FIGN: variants seen among roughly 807,000 people sequenced by gnomAD.
FIGN encodes fidgetin.
A neutral mutation model predicts 51.3 loss-of-function variants in FIGN; 11 were observed. The observed-to-expected ratio is 0.21, with a 90% CI of 0.13 to 0.35. The LOEUF (loss-of-function observed/expected upper bound fraction) is 0.35, where lower values mean the gene tolerates loss of function less well. Among genes scored for constraint, FIGN ranks in the 10% least tolerant of loss-of-function variants. The pLI is 1.00. For synonymous variants in FIGN, 407 were observed against 363.2 expected (o/e 1.12, Z -1.37); for missense variants, 857 against 943.6 (o/e 0.91, Z 1.20).
rs116826717 is a variant in FIGN at position 163,686,438 on chromosome 2, A to C, written c.25+48465T>G. Among the ~76,000 whole-genome samples, 1,501 of 152,228 alleles carry C rather than the reference A, an allele frequency of 9.9e-3. 30 individuals are homozygous for C. The highest frequency in any genetic ancestry group is 0.035 in the African/African-American group (1,436 of 41,544). ...TGCTATTTAAAAACTCTTCAAGTAC[A>C]ATCTTCTAAAAGTGGTACTTTGATG... On this transcript the variant is annotated intron_variant, in intron 2 of 2. Transcript: ENST00000333129.
intron 2 of FIGN, among the ~76,000 whole-genome samples, chr2:163,653,935 A>T (rs1683518211): frequency 6.6e-6 from 1 of 152,128 alleles, no homozygotes; most frequent in African/African-American, 2.4e-5. Context: ...AGTGTCATCT[A>T]AGTAATCCCT....
rs1243240618 is a variant in FIGN at position 163,609,593 on chromosome 2, T to C, written c.2239A>G (p.Met747Val). Reference protein sequence around the residue: ...QPSISQKELDMYVEWNKMFGC... With the variant: ...QPSISQKELDVYVEWNKMFGC... The stretch of plus-strand genomic sequence containing the variant: ...AACATTTTGTTCCATTCAACATACA[T>C]ATCAAGCTCCTTTTGAGATATGCTA... The change falls in exon 3 of 3, where the codon ATG becomes GTG. Residue 747 changes from methionine to valine, a missense_variant. By Grantham distance (21) the Met-to-Val change is conservative. Around this residue, in one of 3 missense-constraint regions of FIGN, gnomAD observed 799 missense variants for 849.5 expected, o/e 0.94. Transcript: ENST00000333129. 6.2e-7 allele frequency: 1 copy of C among 1,614,024 alleles called. No individual in the cohort carries two copies. Among genetic ancestry groups the C allele is most frequent in the South Asian group, 1.1e-5 (1 of 91,062 alleles).
At chr2:163,733,213 T>G (rs923212068) in intron 2 of FIGN, among the ~76,000 whole-genome samples, 1 of 152,184 alleles carries the variant, frequency 6.6e-6, no homozygotes, top group South Asian at 2.1e-4. Flanking sequence ...TGACTATTAT[T>G]TAATAGTAAG....
chr2:163,618,489 C>G (rs1190923317), intron 2 of FIGN, among the ~76,000 whole-genome samples: 1 of 151,904 alleles, frequency 6.6e-6, no homozygotes, highest in Non-Finnish European at 1.5e-5. Flanking sequence ...GATACCTCAC[C>G]CTCTTACAGA....
chr2:163,679,491 G>C (rs1196379833), intron 2 of FIGN, among the ~76,000 whole-genome samples: 5 of 126,048 alleles, frequency 4.0e-5, no homozygotes, highest in Non-Finnish European at 8.1e-5. Flanking sequence ...GCGAGACTCC[G>C]TCTCAAAAAA....
At chr2:163,682,937 G>A in intron 2 of FIGN, among the ~76,000 whole-genome samples, 1 of 152,132 alleles carries the variant, frequency 6.6e-6, no homozygotes, top group East Asian at 1.9e-4. Context: ...GAAATGAGAG[G>A]ATTAGCCACC....
intron 2 of FIGN, among the ~76,000 whole-genome samples, chr2:163,726,392 T>C (rs1486007946): frequency 1.3e-5 from 2 of 152,064 alleles, no homozygotes; most frequent in Non-Finnish European, 2.9e-5. Flanking sequence ...GACTCCAGAT[T>C]TGCGAGTCAT....
At chr2:163,634,723 C>CAGTT (rs1427176053) in intron 2 of FIGN, among the ~76,000 whole-genome samples, 5 of 152,302 alleles carry the variant, frequency 3.3e-5, no homozygotes, top group African/African-American at 1.2e-4. Context: ...GACTGATGAA[C>CAGTT]AGTTACACAT....
intron 2 of FIGN, among the ~76,000 whole-genome samples, chr2:163,617,819 G>C (rs1682904639): frequency 1.3e-5 from 2 of 152,036 alleles, no homozygotes; most frequent in African/African-American, 2.4e-5. Flanking sequence ...TCACCTTACT[G>C]TATTGCTATT....
chr2:163,618,500 G>C (rs1243680681), intron 2 of FIGN, among the ~76,000 whole-genome samples: 1 of 151,112 alleles, frequency 6.6e-6, no homozygotes, highest in Non-Finnish European at 1.5e-5. Flanking sequence ...CTCTTACAGA[G>C]AAATTGCAAT....
intron 2 of FIGN, among the ~76,000 whole-genome samples, chr2:163,683,255 TATAAG>T (rs1279007960): frequency 6.6e-5 from 10 of 152,182 alleles, no homozygotes; most frequent in Admixed American, 1.3e-4. Flanking sequence ...CAATAGGAAA[TATAAG>T]ATATCAGAAG....
chr2:163,634,860 G>A (rs943763586), intron 2 of FIGN, among the ~76,000 whole-genome samples: 13 of 152,124 alleles, frequency 8.5e-5, no homozygotes, highest in African/African-American at 3.1e-4. Flanking sequence ...GTTTGTTTAT[G>A]TGTTAGTCTC....
chr2:163,730,607 TTG>T (rs1421873250), intron 2 of FIGN, among the ~76,000 whole-genome samples: 7 of 152,172 alleles, frequency 4.6e-5, no homozygotes, highest in African/African-American at 1.7e-4. Context: ...CTAAGTTCAG[TTG>T]ATTTCAATAA....
At position 163,609,225 on chromosome 2, in the gene FIGN, G is replaced by T; in HGVS notation, c.*327C>A. On this transcript the variant is annotated 3_prime_UTR_variant, in exon 3 of 3. Coordinates refer to ENST00000333129, the MANE Select transcript of FIGN (RefSeq NM_018086.4). ...GCACTTGACAGCAACTAAATCTCGAGAACAGCAGAATGGAATCAACACACG... is the reference window on the plus strand; with the variant it reads ...GCACTTGACAGCAACTAAATCTCGATAACAGCAGAATGGAATCAACACACG... The T allele has an allele frequency of 3.9e-6, 1 of 258,884 alleles. No individual in the cohort carries two copies. Among genetic ancestry groups the T allele is most frequent in the Non-Finnish European group, 7.3e-6 (1 of 136,574 alleles). 16.0% of individuals were successfully genotyped at this position (258,884 alleles called of 1,614,324 possible). A position where few individuals can be genotyped will look rare whatever the true frequency, so the allele number is the denominator to read the frequency against.
intron 2 of FIGN, among the ~76,000 whole-genome samples, chr2:163,619,229 C>G (rs376301819): frequency 2.4e-4 from 37 of 152,076 alleles, no homozygotes; most frequent in African/African-American, 8.7e-4. Flanking sequence ...GTTGAATACA[C>G]GAGCATTAGT....
At chr2:163,729,759 T>C (rs1684896570) in intron 2 of FIGN, among the ~76,000 whole-genome samples, 1 of 152,144 alleles carries the variant, frequency 6.6e-6, no homozygotes, top group African/African-American at 2.4e-5. Flanking sequence ...AGAGCTAAAA[T>C]ATGAGCAAAC....
At chr2:163,722,814 T>A (rs1222542624) in intron 2 of FIGN, among the ~76,000 whole-genome samples, 1 of 152,034 alleles carries the variant, frequency 6.6e-6, no homozygotes, top group Admixed American at 6.6e-5. Context: ...TTCAATTTTT[T>A]AATGAAATAT....
At chr2:163,648,285 A>G (rs1306522818) in intron 2 of FIGN, among the ~76,000 whole-genome samples, 1 of 152,266 alleles carries the variant, frequency 6.6e-6, no homozygotes, top group East Asian at 1.9e-4. Context: ...TTGGGCCCCC[A>G]TCCCAACTCC....
intron 2 of FIGN, among the ~76,000 whole-genome samples, chr2:163,672,610 A>G (rs1043652646): frequency 6.6e-6 from 1 of 152,202 alleles, no homozygotes; most frequent in African/African-American, 2.4e-5. Context: ...TTCAAGGAAA[A>G]ATCTACTATG....
Sources: gnomAD v4.1 joint callset for allele counts (sites outside exome capture counted in the v4.1 genomes callset) on GRCh38, gnomAD v4.1.1 for gene constraint, gnomAD v4.1.1 regional missense constraint, MANE v1.5 for transcripts, NCBI Gene and HGNC (gene_info 2026-07-23, HGNC 2026-07-21) for gene names.